Variants in MAGED1 observed in about 807,000 individuals in gnomAD.
The protein encoded by MAGED1 is MAGE family member D1.
MAGED1 carries 3 observed loss-of-function variants against 54.1 expected under a neutral mutation model. The ratio of observed to expected loss-of-function variants is 0.06; its 90% CI spans 0.03 to 0.14. The LOEUF (loss-of-function observed/expected upper bound fraction) is 0.14, where lower values mean the gene tolerates loss of function less well. MAGED1 is among the 10% of genes least tolerant of loss of function. The pLI is 1.00. For missense variants in MAGED1, 485 were observed against 623.4 expected, an observed-to-expected ratio of 0.78 and a Z score of 2.36; for synonymous variants, 217 against 227.3, an observed-to-expected ratio of 0.95 and a Z score of 0.41.
At chrX:51,851,600 C>T (rs1305460973) in intron 1 of MAGED1, among the ~76,000 whole-genome samples, 6 of 109,539 alleles carry the variant, frequency 5.5e-5, no homozygotes, top group African/African-American at 2.0e-4. Flanking sequence ...CTCTTTCTCT[C>T]TTTTCTCTCA....
intron 1 of MAGED1, among the ~76,000 whole-genome samples, chrX:51,805,028 A>G (rs1235465119): frequency 3.6e-5 from 4 of 111,828 alleles, no homozygotes; most frequent in African/African-American, 1.3e-4. Context: ...AATTTCTCAT[A>G]TTCTCTTCCT....
intron 1 of MAGED1, among the ~76,000 whole-genome samples, chrX:51,864,091 G>T (rs1426583564): frequency 9.1e-6 from 1 of 110,280 alleles, no homozygotes; most frequent in Non-Finnish European, 1.9e-5. Flanking sequence ...GACCTTTTCC[G>T]ATGTTTTCTT....
intron 11 of MAGED1, among the ~76,000 whole-genome samples, 197 bp downstream of exon 11, chrX:51,900,493 A>G (rs1438607141): frequency 9.0e-6 from 1 of 111,713 alleles, no homozygotes; most frequent in Non-Finnish European, 1.9e-5. Context: ...TAATACAATT[A>G]TGAGTTTGTT....
chrX:51,807,322 C>T (rs1452423081), intron 1 of MAGED1, among the ~76,000 whole-genome samples: 1 of 110,961 alleles, frequency 9.0e-6, no homozygotes, highest in African/African-American at 3.3e-5. Flanking sequence ...TATAGGAGCT[C>T]TTTCTATATT....
intron 1 of MAGED1, among the ~76,000 whole-genome samples, chrX:51,826,051 TGTA>T (rs1278302441): frequency 1.8e-5 from 2 of 112,572 alleles, no homozygotes; most frequent in Admixed American, 9.4e-5. Flanking sequence ...AGCCAGCTAA[TGTA>T]GTTCTTTGAC....
At chrX:51,807,156 A>G (rs1925064182) in intron 1 of MAGED1, among the ~76,000 whole-genome samples, 1 of 111,557 alleles carries the variant, frequency 9.0e-6, no homozygotes, top group Non-Finnish European at 1.9e-5. Flanking sequence ...TAGCTATTCT[A>G]ATGGTTATGA....
chrX:51,841,076 C>A (rs1416577622), intron 1 of MAGED1, among the ~76,000 whole-genome samples: 1 of 104,866 alleles, frequency 9.5e-6, no homozygotes, highest in Non-Finnish European at 2.0e-5. Flanking sequence ...TCCTATTTCT[C>A]CACATCCTCT....
At chrX:51,852,154 A>G (rs1926916956) in intron 1 of MAGED1, among the ~76,000 whole-genome samples, 1 of 111,303 alleles carries the variant, frequency 9.0e-6, no homozygotes, top group African/African-American at 3.3e-5. Context: ...CCCTTTCTCC[A>G]TCTTCAGACA....
chrX:51,902,017 G>A, intron 12 of MAGED1, 79 bp downstream of exon 12: 1 of 1,014,232 alleles, frequency 9.9e-7, no homozygotes, highest in African/African-American at 1.9e-5. Flanking sequence ...ATGTGCATGA[G>A]CTAGAAGTAT....
rs782080566 is a variant in MAGED1, at chrX:51,841,917, G to C, written c.-37+38800G>C. On this transcript the variant is annotated intron_variant, in intron 1 of 12. Coordinates refer to the MAGED1 transcript ENST00000375772. ...TGGCTTAGGATTGAATTGGCAATGC[G>C]GGCTCTTTTTTGGTTCCATATGAAC... is the stretch of plus-strand genomic sequence containing the variant. 2.1e-3 allele frequency among the ~76,000 whole-genome samples: 235 copies of C among 111,514 alleles called. 1 individual carries two copies. The highest frequency in any genetic ancestry group is 7.1e-3 in the African/African-American group (218 of 30,742).
At chrX:51,861,053 A>G (rs1481917342) in intron 1 of MAGED1, among the ~76,000 whole-genome samples, 1 of 110,927 alleles carries the variant, frequency 9.0e-6, no homozygotes, top group Non-Finnish European at 1.9e-5. Flanking sequence ...TTCAAGAGCA[A>G]TTTGGACCCC....
At chrX:51,819,695 G>A (rs1438167269) in intron 1 of MAGED1, among the ~76,000 whole-genome samples, 1 of 110,460 alleles carries the variant, frequency 9.1e-6, no homozygotes, top group Non-Finnish European at 1.9e-5. Context: ...TGTATTGTGG[G>A]TATTAGGTCC....
At chrX:51,891,797 T>A (rs955561630), upstream of MAGED1, among the ~76,000 whole-genome samples, 3 of 112,143 alleles carry the variant, frequency 2.7e-5, no homozygotes, top group African/African-American at 9.7e-5. Context: ...AGGTAGTTAC[T>A]ATGGATCTAG....
chrX:51,808,823 C>T (rs1370096246), intron 1 of MAGED1, among the ~76,000 whole-genome samples: 1 of 112,386 alleles, frequency 8.9e-6, no homozygotes, highest in East Asian at 2.8e-4. Flanking sequence ...CATTTTTTTC[C>T]ACATCCCAGA....
intron 1 of MAGED1, among the ~76,000 whole-genome samples, chrX:51,860,872 C>T (rs782143245): frequency 9.0e-6 from 1 of 110,652 alleles, no homozygotes; most frequent in African/African-American, 3.3e-5. Flanking sequence ...CTTGTTCTGC[C>T]CTCTTGTGGC....
At chrX:51,889,781 A>G (rs973641051), upstream of MAGED1, among the ~76,000 whole-genome samples, 1 of 111,212 alleles carries the variant, frequency 9.0e-6, no homozygotes, top group Non-Finnish European at 1.9e-5. Flanking sequence ...CACCACCACA[A>G]CTATGGTGGT....
chrX:51,870,923 A>G (rs1441452532), intron 1 of MAGED1: 1 of 112,816 alleles, frequency 8.9e-6, no homozygotes, highest in Non-Finnish European at 1.9e-5. Flanking sequence ...TGAAAGATAT[A>G]AATTAATAAA....
intron 1 of MAGED1, among the ~76,000 whole-genome samples, chrX:51,848,046 C>G (rs1423973132): frequency 1.8e-5 from 2 of 111,554 alleles, no homozygotes; most frequent in Non-Finnish European, 3.8e-5. Flanking sequence ...ATTTTCAGCA[C>G]TTTGTATTGT....
At chrX:51,878,092 ACT>A (rs1557362190) in intron 1 of MAGED1, among the ~76,000 whole-genome samples, 1 of 111,173 alleles carries the variant, frequency 9.0e-6, no homozygotes, top group African/African-American at 3.3e-5. Context: ...TCAAAGAGGG[ACT>A]CTATGTCACA....
Sources: allele counts gnomAD v4.1 joint callset (sites outside exome capture counted in the v4.1 genomes callset), GRCh38; gene constraint gnomAD v4.1.1; transcripts MANE v1.5; gene names NCBI Gene and HGNC (gene_info 2026-07-23, HGNC 2026-07-21).